Variants in ZNF804A observed in about 807,000 individuals in gnomAD.
ZNF804A encodes zinc finger protein 804A.
Under a neutral mutation model 16.5 loss-of-function variants are expected in ZNF804A, and 2 were observed. The observed-to-expected ratio is 0.12, with a 90% CI of 0.05 to 0.38. The LOEUF (loss-of-function observed/expected upper bound fraction) is 0.38, where lower values mean the gene tolerates loss of function less well. Among genes scored for constraint, ZNF804A ranks in the 10% least tolerant of loss-of-function variants. ZNF804A has a pLI of 0.99. For synonymous variants in ZNF804A, 534 were observed against 489.6 expected, an observed-to-expected ratio of 1.09 and a Z score of -1.20; for missense variants, 1,473 against 1,390.7, an observed-to-expected ratio of 1.06 and a Z score of -0.94.
intron 2 of ZNF804A, among the ~76,000 whole-genome samples, chr2:184,927,029 G>A (rs1685623669): frequency 6.6e-6 from 1 of 152,166 alleles, no homozygotes; most frequent in Admixed American, 6.5e-5. Flanking sequence ...TTCCTTTGAT[G>A]AGATCATGTT....
At chr2:184,745,169 G>A (rs757021183) in intron 1 of ZNF804A, among the ~76,000 whole-genome samples, 1 of 151,680 alleles carries the variant, frequency 6.6e-6, no homozygotes, top group Non-Finnish European at 1.5e-5. Context: ...TAGATAATAT[G>A]CACAATGCCC....
At chr2:184,768,797 CA>C (rs1222158519) in intron 1 of ZNF804A, among the ~76,000 whole-genome samples, 2 of 151,964 alleles carry the variant, frequency 1.3e-5, no homozygotes, top group African/African-American at 4.8e-5. Context: ...TTTATATTTA[CA>C]AATGACTTAG....
chr2:184,873,956 T>C (rs1000915835), intron 2 of ZNF804A, among the ~76,000 whole-genome samples: 50 of 152,158 alleles, frequency 3.3e-4, no homozygotes, highest in Non-Finnish European at 1.0e-4. Flanking sequence ...AAATCCCTAA[T>C]GTTAATTCTA....
chr2:184,841,121 C>CG (rs1264204703), intron 1 of ZNF804A, among the ~76,000 whole-genome samples: 2 of 152,050 alleles, frequency 1.3e-5, no homozygotes, highest in Non-Finnish European at 2.9e-5. Context: ...CTATCTTTCA[C>CG]GTTTTTGTCA....
chr2:184,617,025 T>C (rs1691332594), intron 1 of ZNF804A, among the ~76,000 whole-genome samples: 1 of 152,084 alleles, frequency 6.6e-6, no homozygotes, highest in African/African-American at 2.4e-5. Flanking sequence ...TCTCCACTCC[T>C]TACCCTCCCA....
At chr2:184,605,628 G>A (rs1279108484) in intron 1 of ZNF804A, among the ~76,000 whole-genome samples, 2 of 151,906 alleles carry the variant, frequency 1.3e-5, no homozygotes, top group Non-Finnish European at 2.9e-5. Flanking sequence ...ATTTTACTGG[G>A]CATTAGAAGT....
chr2:184,761,706 G>A (rs1694038740), intron 1 of ZNF804A, among the ~76,000 whole-genome samples: 2 of 152,074 alleles, frequency 1.3e-5, no homozygotes, highest in South Asian at 2.1e-4. Context: ...CCACAGATGT[G>A]CAAATAAATT....
At chr2:184,713,964 G>T (rs566533121) in intron 1 of ZNF804A, among the ~76,000 whole-genome samples, 1 of 152,040 alleles carries the variant, frequency 6.6e-6, no homozygotes, top group South Asian at 2.1e-4. Flanking sequence ...GCAACATGAA[G>T]AGATTTATTA....
At chr2:184,900,696 T>A (rs1348744308) in intron 2 of ZNF804A, among the ~76,000 whole-genome samples, 2 of 152,066 alleles carry the variant, frequency 1.3e-5, no homozygotes, top group East Asian at 3.9e-4. Flanking sequence ...CAGAGAAGAC[T>A]GGGAATGCTT....
At chr2:184,906,657 A>G (rs1021599917) in intron 2 of ZNF804A, among the ~76,000 whole-genome samples, 1 of 152,044 alleles carries the variant, frequency 6.6e-6, no homozygotes, top group African/African-American at 2.4e-5. Flanking sequence ...GGATTCTAAG[A>G]TGGCCATCAA....
intron 1 of ZNF804A, among the ~76,000 whole-genome samples, chr2:184,804,443 T>TA (rs1246328932): frequency 6.6e-6 from 1 of 152,230 alleles, no homozygotes; most frequent in Admixed American, 6.5e-5. Context: ...GGTCTCTGCA[T>TA]AAGCAGCATG....
At chr2:184,742,493 C>G (rs1220299993) in intron 1 of ZNF804A, among the ~76,000 whole-genome samples, 2 of 151,994 alleles carry the variant, frequency 1.3e-5, no homozygotes, top group Middle Eastern at 3.4e-3. Context: ...TTCTGACAAC[C>G]TATCACCTGA....
intron 1 of ZNF804A, among the ~76,000 whole-genome samples, chr2:184,829,942 AC>A (rs1278527516): frequency 2.9e-5 from 4 of 138,886 alleles, no homozygotes; most frequent in South Asian, 4.6e-4. Flanking sequence ...AAAAAAAAAA[AC>A]CACACACACA....
chr2:184,917,846 A>C (rs1292806840), intron 2 of ZNF804A, among the ~76,000 whole-genome samples: 1 of 152,122 alleles, frequency 6.6e-6, no homozygotes, highest in Admixed American at 6.6e-5. Context: ...AAATAAGGAA[A>C]ATATTCTCAT....
chr2:184,715,947 G>A (rs115000045), intron 1 of ZNF804A, among the ~76,000 whole-genome samples: 2,812 of 152,180 alleles, frequency 0.018, 77 homozygotes, highest in African/African-American at 0.062. Flanking sequence ...ATAAGTTCAA[G>A]CAGATGCTCT....
intron 1 of ZNF804A, among the ~76,000 whole-genome samples, chr2:184,720,679 T>C (rs2105742101): frequency 6.6e-6 from 1 of 152,280 alleles, no homozygotes; most frequent in Non-Finnish European, 1.5e-5. Context: ...ATGACGATAC[T>C]ACCCAAAGCA....
chr2:184,831,124 G>A (rs143606974), intron 1 of ZNF804A, among the ~76,000 whole-genome samples: 10 of 152,126 alleles, frequency 6.6e-5, no homozygotes, highest in African/African-American at 2.4e-4. Flanking sequence ...AAATGCGAGA[G>A]GAGAGAAAAC....
chr2:184,686,535 T>C (rs1271306827), intron 1 of ZNF804A, among the ~76,000 whole-genome samples: 2 of 152,220 alleles, frequency 1.3e-5, no homozygotes, highest in African/African-American at 4.8e-5. Context: ...TGGTAGATGA[T>C]TTACTTTCCT....
intron 1 of ZNF804A, among the ~76,000 whole-genome samples, chr2:184,702,049 A>G (rs1389348427): frequency 2.0e-5 from 3 of 151,938 alleles, no homozygotes; most frequent in African/African-American, 7.2e-5. Context: ...TAAGAGCTAG[A>G]AGGAAAATCA....
Sources: allele counts gnomAD v4.1 joint callset (sites outside exome capture counted in the v4.1 genomes callset), GRCh38; gene constraint gnomAD v4.1.1; transcripts MANE v1.5; gene names NCBI Gene and HGNC (gene_info 2026-07-23, HGNC 2026-07-21).